The following UNC80 variants were observed in gnomAD, a reference collection of about 807,000 sequenced individuals.
UNC80 encodes the protein unc-80 subunit of NALCN channel complex, also known as protein unc-80 homolog.
In UNC80, 164 loss-of-function variants were observed where a neutral mutation model predicts 384.6. The ratio of observed to expected loss-of-function variants is 0.43; its 90% CI spans 0.38 to 0.49. The LOEUF (loss-of-function observed/expected upper bound fraction) is 0.49, where lower values mean the gene tolerates loss of function less well. UNC80 is among the 20% of genes least tolerant of loss of function. The pLI is 0.00. For synonymous variants in UNC80, 1,486 were observed against 1,527.8 expected (o/e 0.97, Z 0.64); for missense variants, 3,330 against 4,143.0 (o/e 0.80, Z 5.39).
chr2:209,860,595 G>A (rs1191827159), intron 22 of UNC80, among the ~76,000 whole-genome samples: 2 of 152,162 alleles, frequency 1.3e-5, no homozygotes, highest in Non-Finnish European at 2.9e-5. Flanking sequence ...AATGTCAATG[G>A]TTATTTGATG....
intron 25 of UNC80, among the ~76,000 whole-genome samples, chr2:209,883,556 A>G (rs1442536882): frequency 6.8e-6 from 1 of 148,144 alleles, no homozygotes; most frequent in Non-Finnish European, 1.5e-5. Flanking sequence ...TCAGCCTCCC[A>G]AGTAGCTGGG....
chr2:209,928,860 A>G (rs2090634380), intron 36 of UNC80, among the ~76,000 whole-genome samples: 1 of 152,112 alleles, frequency 6.6e-6, no homozygotes, highest in Admixed American at 6.6e-5. Context: ...TCTAGTTAGC[A>G]CTATTCTACT....
At chr2:209,914,062 A>C in intron 31 of UNC80, 122 bp downstream of exon 31, 1 of 1,207,770 alleles carries the variant, frequency 8.3e-7, no homozygotes, top group Non-Finnish European at 1.1e-6. Context: ...GGCAATTGCT[A>C]TAACTGTAGA....
chr2:209,908,812 C>T (rs2088578452), intron 29 of UNC80, among the ~76,000 whole-genome samples: 1 of 152,172 alleles, frequency 6.6e-6, no homozygotes, highest in Non-Finnish European at 1.5e-5. Context: ...TCCACTATAA[C>T]TTACATAATT....
chr2:209,983,599 A>G lies in UNC80; in HGVS notation c.9258-1257A>G, dbSNP rs1459834070. On this transcript the variant is annotated intron_variant, in intron 60 of 64. Coordinates refer to ENST00000673920, the MANE Select transcript of UNC80 (RefSeq NM_001371986.1). The stretch of plus-strand genomic sequence containing the variant: ...TAGCTATCAGTTATTTTTAATTGCT[A>G]GCAATGTGCATGGTTCTATGAAGAA... 2.6e-5 allele frequency among the ~76,000 whole-genome samples: 4 copies of G among 152,110 alleles called. No homozygotes were observed. In the East Asian group the frequency reaches 7.7e-4, roughly 29 times the overall value.
intron 21 of UNC80, among the ~76,000 whole-genome samples, chr2:209,845,870 C>T (rs115408841): frequency 0.013 from 2,040 of 152,154 alleles, 49 homozygotes; most frequent in African/African-American, 0.045. Flanking sequence ...CCCTTTATTG[C>T]GCAAACATCA....
chr2:209,916,586 T>C (rs1181715034), intron 31 of UNC80, among the ~76,000 whole-genome samples: 3 of 152,040 alleles, frequency 2.0e-5, no homozygotes, highest in African/African-American at 7.2e-5. Flanking sequence ...AAACACCTAG[T>C]AGGCTAAAGA....
intron 13 of UNC80, among the ~76,000 whole-genome samples, chr2:209,823,193 AT>A (rs921402111): frequency 7.2e-5 from 11 of 152,156 alleles, no homozygotes; most frequent in Admixed American, 4.6e-4. Context: ...AATATCTTCA[AT>A]TTTTTTGCCT....
At position 209,903,731 on chromosome 2, in the gene UNC80, A is replaced by C; in HGVS notation, c.4582-1034A>C. Among the ~76,000 whole-genome samples the C allele has an allele frequency of 1.4e-5, 2 of 146,240 alleles. 1 individual carries two copies. The highest frequency in any genetic ancestry group is 3.0e-5 in the Non-Finnish European group (2 of 67,248). On this transcript the variant is annotated intron_variant, in intron 28 of 64. Transcript: ENST00000673920. ...TAGTGCTGCATACAAATTACCACAA[A>C]TTTAGTGGCTTAAAACAATACACAT...
intron 7 of UNC80, among the ~76,000 whole-genome samples, chr2:209,806,471 CAT>C (rs1253505347): frequency 6.6e-6 from 1 of 152,236 alleles, no homozygotes; most frequent in Non-Finnish European, 1.5e-5. Context: ...CGTACACCCA[CAT>C]GTGTTAATTA....
At chr2:209,793,556 G>A (rs769978080) in intron 6 of UNC80, among the ~76,000 whole-genome samples, 164 bp from the exon 7 acceptor site, 1 of 152,162 alleles carries the variant, frequency 6.6e-6, no homozygotes, top group Non-Finnish European at 1.5e-5. Context: ...TCCCTGAGAT[G>A]AAGTCAAAAT....
chr2:209,790,374 C>G (rs1314288045), intron 6 of UNC80, among the ~76,000 whole-genome samples: 1 of 152,186 alleles, frequency 6.6e-6, no homozygotes, highest in Non-Finnish European at 1.5e-5. Context: ...ACCCTCCAAC[C>G]TGGAAATTTT....
intron 32 of UNC80, 133 bp downstream of exon 32, chr2:209,918,091 C>A: frequency 1.2e-6 from 1 of 837,020 alleles, no homozygotes; most frequent in South Asian, 1.9e-5. Context: ...ATAAGTAAAC[C>A]TAACATACAT....
intron 27 of UNC80, 149 bp from the exon 28 acceptor site, chr2:209,896,164 T>G (rs2086778291): frequency 1.5e-6 from 1 of 671,346 alleles, no homozygotes; most frequent in South Asian, 1.8e-5. Flanking sequence ...CTGTTAATAT[T>G]CCTCCAACAA....
chr2:209,832,663 A>G (rs1363276211), intron 16 of UNC80, among the ~76,000 whole-genome samples: 3 of 152,244 alleles, frequency 2.0e-5, no homozygotes, highest in African/African-American at 7.2e-5. Context: ...GCTTGAGTGT[A>G]GCACAGGTAC....
Position 209,839,389 on chromosome 2 carries a change from C to A in UNC80, c.3209C>A (p.Ser1070Tyr). 1 of 1,552,102 alleles carries A rather than the reference C, an allele frequency of 6.4e-7. No homozygotes were observed. Among genetic ancestry groups the A allele is most frequent in the Non-Finnish European group, 8.7e-7 (1 of 1,147,084 alleles). Residue 1070 changes from serine (S) to tyrosine (Y), a missense_variant, in exon 19 of 65, where the codon TCC (serine) becomes TAC (tyrosine). Around this residue, in one of 8 missense-constraint regions of UNC80, gnomAD observed 801 missense variants for 950.8 expected, o/e 0.84. Transcript: ENST00000673920. This position sits in a 1 kb window ranked among gnomAD's most constrained non-coding sequence, Gnocchi z 4.1. Reference sequence around the variant, plus strand: ...TCTGACCGACGTGCCCGCTCACGATCCCGCAGAATTTCCCTCCGAAAGAAG... The same window carrying A: ...TCTGACCGACGTGCCCGCTCACGATACCGCAGAATTTCCCTCCGAAAGAAG... ...TTSDRRARSR[S>Y]RRISLRKKLK...
At chr2:209,902,934 TG>T (rs2087589159) in intron 28 of UNC80, among the ~76,000 whole-genome samples, 1 of 150,414 alleles carries the variant, frequency 6.6e-6, no homozygotes, top group Non-Finnish European at 1.5e-5. Flanking sequence ...TGTGTGTGTG[TG>T]TGTGTGTGTA....
chr2:209,939,433 A>G, intron 42 of UNC80, 39 bp from the exon 43 acceptor site: 2 of 1,514,094 alleles, frequency 1.3e-6, no homozygotes, highest in Non-Finnish European at 1.8e-6. Context: ...GGAGTTTCTA[A>G]TACTCCTTTT....
chr2:209,855,576 G>T, intron 22 of UNC80, among the ~76,000 whole-genome samples: 1 of 152,250 alleles, frequency 6.6e-6, no homozygotes, highest in African/African-American at 2.4e-5. Flanking sequence ...CAGTTTCTGT[G>T]TTCCCTTACC....
Sources: allele counts gnomAD v4.1 joint callset (sites outside exome capture counted in the v4.1 genomes callset), GRCh38; gene constraint gnomAD v4.1.1; regional missense constraint gnomAD v4.1.1; non-coding constraint Gnocchi (gnomAD v3.1); transcripts MANE v1.5; gene names NCBI Gene and HGNC (gene_info 2026-07-23, HGNC 2026-07-21).